ADAMTS6: variants seen among roughly 807,000 people sequenced by gnomAD.
ADAMTS6 encodes ADAM metallopeptidase with thrombospondin type 1 motif 6, also known as A disintegrin and metalloproteinase with thrombospondin motifs 6.
Under a neutral mutation model 144.3 loss-of-function variants are expected in ADAMTS6, and 23 were observed. The observed-to-expected ratio is 0.16, with a 90% confidence interval of 0.11 to 0.23. The LOEUF (loss-of-function observed/expected upper bound fraction) is 0.23, where lower values mean the gene tolerates loss of function less well. Among genes scored for constraint, ADAMTS6 ranks in the 10% least tolerant of loss-of-function variants. ADAMTS6 has a pLI of 1.00. For synonymous variants in ADAMTS6, 444 were observed against 457.5 expected (o/e 0.97, Z 0.38); for missense variants, 999 against 1,379.6 (o/e 0.72, Z 4.37).
intron 7 of ADAMTS6, among the ~76,000 whole-genome samples, chr5:65,448,606 C>A (rs1019731002): frequency 2.0e-5 from 3 of 152,026 alleles, no homozygotes; most frequent in African/African-American, 7.2e-5. Flanking sequence ...GCGCCCGCAA[C>A]CACGCCTGGC....
chr5:65,203,292 G>A (rs1030633497), intron 20 of ADAMTS6, among the ~76,000 whole-genome samples: 3 of 152,202 alleles, frequency 2.0e-5, no homozygotes, highest in African/African-American at 7.2e-5. Flanking sequence ...GGGAGGCTGA[G>A]GCAGGAGGAT....
At chr5:65,432,076 G>A (rs1246732818) in intron 7 of ADAMTS6, among the ~76,000 whole-genome samples, 1 of 151,832 alleles carries the variant, frequency 6.6e-6, no homozygotes, top group Non-Finnish European at 1.5e-5. Context: ...TTTAACATTG[G>A]CCTATTATTA....
intron 9 of ADAMTS6, among the ~76,000 whole-genome samples, chr5:65,303,434 A>G (rs1455016260): frequency 6.6e-6 from 1 of 152,104 alleles, no homozygotes; most frequent in Admixed American, 6.5e-5. Context: ...GTCTTCTAAT[A>G]AAAACTTTAC....
intron 15 of ADAMTS6, among the ~76,000 whole-genome samples, chr5:65,236,832 T>C (rs982408066): frequency 6.6e-6 from 1 of 151,822 alleles, no homozygotes; most frequent in African/African-American, 2.4e-5. Context: ...ATTAATAAGC[T>C]AGAAAAAAGA....
intron 24 of ADAMTS6, among the ~76,000 whole-genome samples, chr5:65,156,197 A>C (rs1752406681): frequency 1.3e-5 from 2 of 152,206 alleles, no homozygotes; most frequent in Admixed American, 6.5e-5. Context: ...AGAGGCCTTA[A>C]TTATAAAACT....
chr5:65,172,362 C>T (rs113226198), intron 23 of ADAMTS6, among the ~76,000 whole-genome samples: 6 of 150,460 alleles, frequency 4.0e-5, no homozygotes, highest in Admixed American at 6.6e-5. Flanking sequence ...TGCAGTGAGC[C>T]GAGATCGCGC....
intron 3 of ADAMTS6, among the ~76,000 whole-genome samples, chr5:65,469,933 G>A (rs1329668531): frequency 2.0e-5 from 3 of 152,146 alleles, no homozygotes; most frequent in Non-Finnish European, 4.4e-5. Context: ...AGCCTGAACA[G>A]GGTAAACACA....
intron 20 of ADAMTS6, among the ~76,000 whole-genome samples, chr5:65,212,930 T>C (rs988838116): frequency 6.6e-6 from 1 of 152,208 alleles, no homozygotes; most frequent in Non-Finnish European, 1.5e-5. Flanking sequence ...GAATTATGTA[T>C]GTATTGTTCT....
At chr5:65,271,509 A>G (rs1234873336) in intron 12 of ADAMTS6, among the ~76,000 whole-genome samples, 1 of 152,170 alleles carries the variant, frequency 6.6e-6, no homozygotes, top group East Asian at 1.9e-4. Flanking sequence ...AATTTCCAAG[A>G]AATTTATCAT....
intron 20 of ADAMTS6, among the ~76,000 whole-genome samples, chr5:65,205,255 C>T (rs1281329615): frequency 3.3e-5 from 5 of 152,132 alleles, no homozygotes; most frequent in Non-Finnish European, 5.9e-5. Flanking sequence ...TTTGTTATTA[C>T]GTCCGTAAAA....
chr5:65,223,383 G>A (rs1168522527), intron 18 of ADAMTS6, among the ~76,000 whole-genome samples: 1 of 152,040 alleles, frequency 6.6e-6, no homozygotes, highest in Non-Finnish European at 1.5e-5. Context: ...TCAAGTATAC[G>A]ATACATTTTA....
In ADAMTS6 at chr5:65,471,014, T is replaced by C. The variant is rs1355314606; in HGVS notation, c.226A>G (p.Ile76Val). The part of the protein sequence containing the change: ...HSRRRRSMDP[I>V]DPQQAVSKLF... ...TTAGATACTGCCTGCTGTGGATCAA[T>C]AGGGTCCATACTCCGTCTTCTCCTT... Residue 76 changes from isoleucine (I) to valine (V), a missense_variant, in exon 3 of 25, where the codon ATT becomes GTT. By Grantham distance (29) the Ile-to-Val change is conservative. Transcript: ENST00000381055. 1.2e-6 allele frequency: 2 copies of C among 1,613,162 alleles called. No homozygotes were observed. The highest frequency in any genetic ancestry group is 1.7e-5 in the Admixed American group (1 of 59,876).
At chr5:65,470,286 TATCTC>T (rs137882108) in intron 3 of ADAMTS6, among the ~76,000 whole-genome samples, 89 of 152,222 alleles carry the variant, frequency 5.8e-4, no homozygotes, top group African/African-American at 2.0e-3. Flanking sequence ...TATAAAAAAT[TATCTC>T]ATAGACACTG....
intron 24 of ADAMTS6, among the ~76,000 whole-genome samples, chr5:65,162,024 G>C (rs998009862): frequency 2.0e-5 from 3 of 152,140 alleles, no homozygotes; most frequent in African/African-American, 7.2e-5. Context: ...GATTTAGCCA[G>C]GTAGATGAAA....
chr5:65,341,660 A>T (rs1747837413), intron 7 of ADAMTS6, among the ~76,000 whole-genome samples: 1 of 152,126 alleles, frequency 6.6e-6, no homozygotes, highest in Non-Finnish European at 1.5e-5. Flanking sequence ...GAAATAGAAA[A>T]CCTGAACAGA....
At chr5:65,269,954 C>T (rs1761931904) in intron 12 of ADAMTS6, among the ~76,000 whole-genome samples, 1 of 151,826 alleles carries the variant, frequency 6.6e-6, no homozygotes, top group Non-Finnish European at 1.5e-5. Context: ...CCACCATGCC[C>T]GGCTAATTTT....
intron 22 of ADAMTS6, among the ~76,000 whole-genome samples, chr5:65,181,717 T>C (rs2112138879): frequency 6.6e-6 from 1 of 152,328 alleles, no homozygotes; most frequent in East Asian, 1.9e-4. Flanking sequence ...TATGAATTAT[T>C]GTAAGAATAA....
chr5:65,212,429 T>C (rs1327338681), intron 20 of ADAMTS6, among the ~76,000 whole-genome samples: 53 of 148,288 alleles, frequency 3.6e-4, no homozygotes, highest in Non-Finnish European at 6.4e-4. Context: ...CTCTCTTTTT[T>C]TTTTTTTTTT....
chr5:65,340,025 C>T (rs1333514777), intron 7 of ADAMTS6, among the ~76,000 whole-genome samples: 3 of 152,090 alleles, frequency 2.0e-5, no homozygotes, highest in Non-Finnish European at 2.9e-5. Flanking sequence ...CCAGAAAGCT[C>T]GAATAACTCT....
Sources: allele counts gnomAD v4.1 joint callset (sites outside exome capture counted in the v4.1 genomes callset), GRCh38; gene constraint gnomAD v4.1.1; transcripts MANE v1.5; gene names NCBI Gene and HGNC (gene_info 2026-07-23, HGNC 2026-07-21).